The following ARHGAP18 variants were observed in gnomAD, a reference collection of about 807,000 sequenced individuals.
The protein encoded by ARHGAP18 is rho GTPase-activating protein 18.
In ARHGAP18, 67 loss-of-function variants were observed where a neutral mutation model predicts 86.2. The ratio of observed to expected loss-of-function variants is 0.78; its 90% CI spans 0.64 to 0.95. The LOEUF (loss-of-function observed/expected upper bound fraction) is 0.95, where lower values mean the gene tolerates loss of function less well. Among genes scored for constraint, ARHGAP18 ranks in the 40% least tolerant of loss-of-function variants. ARHGAP18 has a pLI of 0.00. For synonymous variants in ARHGAP18, 283 were observed against 280.4 expected (o/e 1.01, Z -0.09); for missense variants, 691 against 780.4 (o/e 0.89, Z 1.37).
At chr6:129,700,177 G>A (rs1774688343) in intron 1 of ARHGAP18, among the ~76,000 whole-genome samples, 1 of 152,204 alleles carries the variant, frequency 6.6e-6, no homozygotes, top group Admixed American at 6.5e-5. Context: ...GGGCACAAAT[G>A]TATAACAATT....
At chr6:129,586,046 T>A (rs1252619702) in intron 12 of ARHGAP18, among the ~76,000 whole-genome samples, 3 of 152,226 alleles carry the variant, frequency 2.0e-5, no homozygotes, top group African/African-American at 7.2e-5. Context: ...ACATGCTGCT[T>A]CTTGCAATGG....
At position 129,625,072 on chromosome 6, in the gene ARHGAP18, T is replaced by TC. The variant is rs1789327827; in HGVS notation, c.786+4280_786+4281insG. Among the ~76,000 whole-genome samples, 3 of 110,316 alleles carry TC rather than the reference T, an allele frequency of 2.7e-5. 1 individual carries two copies. The highest frequency in any genetic ancestry group is 5.1e-5 in the Non-Finnish European group (3 of 58,392). 72.4% of individuals were successfully genotyped at this position (110,316 alleles called of 152,430 possible). ...TATATGATTGATATATATTTATATA[T>TC]AATATATATGATATATGATATATGA... On this transcript the variant is annotated intron_variant, in intron 5 of 14. Coordinates refer to ENST00000368149, the MANE Select transcript of ARHGAP18 (RefSeq NM_033515.3).
intron 13 of ARHGAP18, among the ~76,000 whole-genome samples, chr6:129,580,767 C>CGGGAGGCTGAGGT (rs1452072877): frequency 1.3e-5 from 2 of 151,848 alleles, no homozygotes; most frequent in Non-Finnish European, 2.9e-5. Context: ...CCTAGCTACT[C>CGGGAGGCTGAGGT]GGGAGGCTGA....
At chr6:129,640,935 T>C (rs1055285277) in intron 2 of ARHGAP18, among the ~76,000 whole-genome samples, 1 of 152,124 alleles carries the variant, frequency 6.6e-6, no homozygotes, top group East Asian at 1.9e-4. Context: ...AAAGAAACGG[T>C]ACAAAAAAAC....
At chr6:129,617,574 G>C (rs750623516) in intron 6 of ARHGAP18, among the ~76,000 whole-genome samples, 6 of 152,076 alleles carry the variant, frequency 3.9e-5, no homozygotes, top group South Asian at 2.1e-4. Flanking sequence ...TCTATTAACA[G>C]TGATAGCCTT....
intron 1 of ARHGAP18, among the ~76,000 whole-genome samples, chr6:129,678,913 T>C (rs1048959136): frequency 6.6e-6 from 1 of 152,192 alleles, no homozygotes; most frequent in African/African-American, 2.4e-5. Flanking sequence ...AAATTCAGCA[T>C]ATCACAAACA....
intron 8 of ARHGAP18, among the ~76,000 whole-genome samples, chr6:129,608,935 T>C (rs1228365784): frequency 2.7e-5 from 4 of 146,648 alleles, no homozygotes; most frequent in African/African-American, 1.0e-4. Flanking sequence ...ATGAAATAGG[T>C]GAAGGGGAGT....
At chr6:129,705,473 G>T (rs1774789021) in intron 1 of ARHGAP18, among the ~76,000 whole-genome samples, 1 of 152,092 alleles carries the variant, frequency 6.6e-6, no homozygotes, top group African/African-American at 2.4e-5. Context: ...ATAGGCAATT[G>T]TTACCAGTTC....
At chr6:129,605,372 GTCTA>G (rs1788830150) in intron 10 of ARHGAP18, among the ~76,000 whole-genome samples, 1 of 152,002 alleles carries the variant, frequency 6.6e-6, no homozygotes, top group African/African-American at 2.4e-5. Context: ...GTTTGAGTTG[GTCTA>G]TCTTTTGGCT....
intron 1 of ARHGAP18, among the ~76,000 whole-genome samples, chr6:129,674,695 C>A (rs1416496017): frequency 6.6e-6 from 1 of 152,078 alleles, no homozygotes; most frequent in Non-Finnish European, 1.5e-5. Context: ...TATACTACAC[C>A]ATTTTATATT....
At chr6:129,681,607 A>G (rs1774325501) in intron 1 of ARHGAP18, among the ~76,000 whole-genome samples, 1 of 152,194 alleles carries the variant, frequency 6.6e-6, no homozygotes, top group African/African-American at 2.4e-5. Context: ...ATATATTCCC[A>G]TTTTATTTGA....
chr6:129,608,311 C>G (rs571411268), intron 8 of ARHGAP18, among the ~76,000 whole-genome samples: 1 of 152,118 alleles, frequency 6.6e-6, no homozygotes, highest in East Asian at 1.9e-4. Context: ...CCTGGACATT[C>G]CACAAACTGT....
In ARHGAP18 at chr6:129,595,469, C is replaced by A. The variant is rs568989095; in HGVS notation, c.1713+3747G>T. Reference sequence around the variant, plus strand: ...GCTATTACTCTCTTTGGAGGAATATCTGAGTCCAGTGAAGAGCATGGCTTT... The same window carrying A: ...GCTATTACTCTCTTTGGAGGAATATATGAGTCCAGTGAAGAGCATGGCTTT... On this transcript the variant is annotated intron_variant, in intron 12 of 14. Transcript: ENST00000368149. 5.3e-5 allele frequency among the ~76,000 whole-genome samples: 8 copies of A among 152,310 alleles called. No individual in the cohort carries two copies. In the East Asian group the frequency reaches 1.5e-3, roughly 29 times the overall value.
chr6:129,647,536 G>A (rs546078586), intron 1 of ARHGAP18, among the ~76,000 whole-genome samples: 3 of 152,170 alleles, frequency 2.0e-5, no homozygotes, highest in South Asian at 4.1e-4. Context: ...TTCTAAAAAC[G>A]ATATACTTTC....
rs1334033127 is a variant in ARHGAP18 at position 129,625,604 on chromosome 6, ATAT to A, written c.786+3746_786+3748del. On this transcript the variant is annotated intron_variant, in intron 5 of 14. Transcript: ENST00000368149. ...TATATATTATATATTTATATATTAT[ATAT>A]TATTATATATTTATATATTATATAT... 1.3e-3 allele frequency among the ~76,000 whole-genome samples: 67 copies of A among 50,840 alleles called. 7 individuals are homozygous for A. Among genetic ancestry groups the A allele is most frequent in the Non-Finnish European group, 2.0e-3 (57 of 28,666 alleles). 33.4% of individuals were successfully genotyped at this position (50,840 alleles called of 152,430 possible).
chr6:129,578,448 A>T lies in ARHGAP18; in HGVS notation c.*65T>A. ...ATGAGTCCTGCCATTTCTTTTATTT[A>T]CACTCTTGACTCAGCAAGAATTATG... On this transcript the variant is annotated 3_prime_UTR_variant, in exon 15 of 15. Coordinates refer to ENST00000368149, the MANE Select transcript of ARHGAP18 (RefSeq NM_033515.3). 1 of 1,298,360 alleles carries T rather than the reference A, an allele frequency of 7.7e-7. No homozygotes were observed. Among genetic ancestry groups the T allele is most frequent in the Non-Finnish European group, 1.1e-6 (1 of 912,348 alleles). 80.4% of individuals were successfully genotyped at this position (1,298,360 alleles called of 1,614,324 possible). A position where few individuals can be genotyped will look rare whatever the true frequency, so the allele number is the denominator to read the frequency against.
chr6:129,702,056 T>C (rs532374815), intron 1 of ARHGAP18, among the ~76,000 whole-genome samples: 1 of 152,248 alleles, frequency 6.6e-6, no homozygotes, highest in Non-Finnish European at 1.5e-5. Flanking sequence ...TCATTTCCCA[T>C]AAGGAAACCT....
intron 5 of ARHGAP18, among the ~76,000 whole-genome samples, chr6:129,624,969 ATATT>A (rs1789312268): frequency 8.0e-6 from 1 of 124,240 alleles, no homozygotes; most frequent in Non-Finnish European, 1.6e-5. Context: ...TATATGATAT[ATATT>A]TATATATAAT....
At chr6:129,614,564 A>C (rs1353405755) in intron 7 of ARHGAP18, among the ~76,000 whole-genome samples, 1 of 152,136 alleles carries the variant, frequency 6.6e-6, no homozygotes, top group African/African-American at 2.4e-5. Flanking sequence ...AAAATGACAA[A>C]GGAAGATTTT....
Sources: allele counts gnomAD v4.1 joint callset (sites outside exome capture counted in the v4.1 genomes callset), GRCh38; gene constraint gnomAD v4.1.1; transcripts MANE v1.5; gene names NCBI Gene and HGNC (gene_info 2026-07-23, HGNC 2026-07-21).